The following MRPL42 variants were observed in gnomAD, a reference collection of about 807,000 sequenced individuals.
MRPL42 encodes large ribosomal subunit protein mL42.
A neutral mutation model predicts 17.9 loss-of-function variants in MRPL42; 17 were observed. The observed-to-expected ratio is 0.95, with a 90% CI of 0.65 to 1.42. The LOEUF (loss-of-function observed/expected upper bound fraction) is 1.42, where lower values mean the gene tolerates loss of function less well. Among genes scored for constraint, MRPL42 ranks in the 40% most tolerant of loss-of-function variants. MRPL42 has a pLI of 0.00. For missense variants in MRPL42, 177 were observed against 175.2 expected, an observed-to-expected ratio of 1.01 and a Z score of -0.06; for synonymous variants, 59 against 54.4, an observed-to-expected ratio of 1.08 and a Z score of -0.37.
At chr12:93,496,824 C>T (rs548329974) in intron 5 of MRPL42, among the ~76,000 whole-genome samples, 23 of 55,816 alleles carry the variant, frequency 4.1e-4, no homozygotes, top group East Asian at 9.4e-4. Context: ...GGTTTGGGGG[C>T]GGGTGGGGAC....
Position 93,512,761 on chromosome 12 carries a change from A to G in MRPL42, c.*11540A>G, listed in dbSNP as rs189198584. The G allele has an allele frequency of 1.3e-5, 2 of 152,332 alleles. No homozygotes were observed. The highest frequency in any genetic ancestry group is 3.9e-4 in the East Asian group (2 of 5,192). The allele number at this position is 152,332 out of a possible 1,614,324, so 9.4% of individuals were successfully genotyped here. A position where few individuals can be genotyped will look rare whatever the true frequency, so the allele number is the denominator to read the frequency against. Reference sequence around the variant, plus strand: ...ATCAAACTATTGTGAATTTGATAGAATGCTTTAAGTTTTATTTTCCAACAA... The same window carrying G: ...ATCAAACTATTGTGAATTTGATAGAGTGCTTTAAGTTTTATTTTCCAACAA... On this transcript the variant is annotated 3_prime_UTR_variant, in exon 6 of 6. Coordinates refer to ENST00000549982, the MANE Select transcript of MRPL42 (RefSeq NM_014050.4).
At chr12:93,472,230 C>G (rs982522828) in intron 2 of MRPL42, among the ~76,000 whole-genome samples, 1 of 152,162 alleles carries the variant, frequency 6.6e-6, no homozygotes, top group African/African-American at 2.4e-5. Flanking sequence ...TATCCTAATA[C>G]TCAGTGACCT....
intron 5 of MRPL42, among the ~76,000 whole-genome samples, chr12:93,489,132 C>T (rs1377203843): frequency 6.6e-6 from 1 of 151,822 alleles, no homozygotes; most frequent in African/African-American, 2.4e-5. Flanking sequence ...AAACATAATC[C>T]CCAGTTACAA....
At chr12:93,491,844 C>T (rs1166269713) in intron 5 of MRPL42, among the ~76,000 whole-genome samples, 1 of 152,188 alleles carries the variant, frequency 6.6e-6, no homozygotes, top group African/African-American at 2.4e-5. Context: ...GTTTGGCTCC[C>T]ACTTACACGT....
intron 5 of MRPL42, chr12:93,500,834 C>T (rs1307317041): frequency 5.8e-6 from 1 of 172,512 alleles, no homozygotes; most frequent in African/African-American, 2.4e-5. Flanking sequence ...GGTGGTGTGC[C>T]TGTAGTCCCA....
intron 1 of MRPL42, among the ~76,000 whole-genome samples, chr12:93,468,095 A>T (rs1879726046): frequency 6.6e-6 from 1 of 152,016 alleles, no homozygotes; most frequent in African/African-American, 2.4e-5. Context: ...GACCTCTCTG[A>T]GCCTTTGTTC....
chr12:93,492,052 C>T (rs1007524925), intron 5 of MRPL42, among the ~76,000 whole-genome samples: 12 of 152,170 alleles, frequency 7.9e-5, no homozygotes, highest in African/African-American at 2.9e-4. Context: ...CATGTCTTTG[C>T]TGTTGTGAGT....
chr12:93,482,577 G>A (rs1168493953), intron 4 of MRPL42, among the ~76,000 whole-genome samples: 1 of 152,144 alleles, frequency 6.6e-6, no homozygotes, highest in Non-Finnish European at 1.5e-5. Flanking sequence ...ACATCAGAAA[G>A]CATGGAAAGT....
In MRPL42 at chr12:93,492,188, T is replaced by C. The variant is rs138830496; in HGVS notation, c.383+4528T>C. Among the ~76,000 whole-genome samples, 47 of 152,342 alleles carry C rather than the reference T, an allele frequency of 3.1e-4. No homozygotes were observed. The East Asian group carries it at 8.7e-3, about 28-fold the overall frequency. ...GTTCTGTTTTTAGTTCTTTGAGAAA[T>C]CTCCAAATTGCTTTCCACAGTGGCT... is the stretch of plus-strand genomic sequence containing the variant. On this transcript the variant is annotated intron_variant, in intron 5 of 5. Coordinates refer to ENST00000549982, the MANE Select transcript of MRPL42 (RefSeq NM_014050.4).
Position 93,515,371 on chromosome 12 carries a change from T to C in MRPL42, c.*14150T>C, listed in dbSNP as rs1953769617. ...AAATTAATAGGCCTTGGCAACTATT[T>C]TTTTTTTTTTTTTTTGAGACAGAGA... On this transcript the variant is annotated 3_prime_UTR_variant, in exon 6 of 6. Coordinates refer to ENST00000549982, the MANE Select transcript of MRPL42 (RefSeq NM_014050.4). 1 of 144,548 alleles carries C rather than the reference T, an allele frequency of 6.9e-6. No homozygotes were observed. The highest frequency in any genetic ancestry group is 1.5e-5 in the Non-Finnish European group (1 of 65,574). 9.0% of individuals were successfully genotyped at this position (144,548 alleles called of 1,614,324 possible). A position where few individuals can be genotyped will look rare whatever the true frequency, so the allele number is the denominator to read the frequency against.
At chr12:93,488,259 C>G (rs931480738) in intron 5 of MRPL42, 1 of 397,370 alleles carries the variant, frequency 2.5e-6, no homozygotes, top group African/African-American at 2.1e-5. Flanking sequence ...CGTGAGCCAC[C>G]GAGCCTGGCT....
intron 5 of MRPL42, among the ~76,000 whole-genome samples, chr12:93,495,737 C>T (rs1199817524): frequency 6.6e-6 from 1 of 152,144 alleles, no homozygotes; most frequent in African/African-American, 2.4e-5. Context: ...CATTAAGGAT[C>T]TGCTGACCTT....
Position 93,491,974 on chromosome 12 carries a change from A to G in MRPL42, c.383+4314A>G, listed in dbSNP as rs536076756. Among the ~76,000 whole-genome samples the G allele has an allele frequency of 3.9e-5, 6 of 152,298 alleles. No individual in the cohort carries two copies. The South Asian group carries it at 1.2e-3, about 32-fold the overall frequency. On this transcript the variant is annotated intron_variant, in intron 5 of 5. Transcript: ENST00000549982. ...TGTTCTTTTTTTATGTCTGTATAGT[A>G]TTCCATGGTGTATGTGTACCACATT...
rs1446992905 is a variant in MRPL42 at position 93,512,797 on chromosome 12, A to G, written c.*11576A>G. ...TTTATTTTCCAACAAAAGAATGTCT[A>G]CATACGGCAAATTCATAGATCTGGA... On this transcript the variant is annotated 3_prime_UTR_variant, in exon 6 of 6. Transcript: ENST00000549982. 1.3e-5 allele frequency: 2 copies of G among 152,234 alleles called. No individual in the cohort carries two copies. Among genetic ancestry groups the G allele is most frequent in the Non-Finnish European group, 2.9e-5 (2 of 68,040 alleles). The allele number at this position is 152,234 out of a possible 1,614,324, so 9.4% of individuals were successfully genotyped here. A position where few individuals can be genotyped will look rare whatever the true frequency, so the allele number is the denominator to read the frequency against.
intron 5 of MRPL42, among the ~76,000 whole-genome samples, chr12:93,494,095 C>G (rs1022103872): frequency 1.4e-5 from 2 of 145,994 alleles, no homozygotes; most frequent in Non-Finnish European, 3.0e-5. Flanking sequence ...AAGGAAAAGA[C>G]AGTAGGGCAT....
chr12:93,496,560 A>T (rs1953509159), intron 5 of MRPL42, among the ~76,000 whole-genome samples: 1 of 150,514 alleles, frequency 6.6e-6, no homozygotes, highest in South Asian at 2.1e-4. Context: ...GCAGAGGAAG[A>T]GTAAAAGTGC....
rs1192907319 is a variant in MRPL42, at chr12:93,515,926, A to G, written c.*14705A>G. The G allele has an allele frequency of 6.6e-6, 1 of 152,236 alleles. No individual in the cohort carries two copies. The highest frequency in any genetic ancestry group is 6.5e-5 in the Admixed American group (1 of 15,278). The allele number at this position is 152,236 out of a possible 1,614,324, so 9.4% of individuals were successfully genotyped here. ...TCATGGTGCCATCCAGAAAATACCA[A>G]AAATCACCCTCTCTCAGCTAAAATG... On this transcript the variant is annotated 3_prime_UTR_variant, in exon 6 of 6. Coordinates refer to ENST00000549982, the MANE Select transcript of MRPL42 (RefSeq NM_014050.4).
intron 5 of MRPL42, among the ~76,000 whole-genome samples, chr12:93,494,928 A>C (rs946887950): frequency 1.2e-5 from 1 of 81,892 alleles, no homozygotes; most frequent in African/African-American, 4.1e-5. Context: ...CACCATCAGG[A>C]ACTCTAGAGA....
intron 4 of MRPL42, among the ~76,000 whole-genome samples, chr12:93,485,360 C>T (rs61202564): frequency 0.012 from 1,889 of 151,660 alleles, 45 homozygotes; most frequent in African/African-American, 0.043. Flanking sequence ...GACAGCGTCT[C>T]CAACTCCTGA....
Sources: allele counts gnomAD v4.1 joint callset (sites outside exome capture counted in the v4.1 genomes callset), GRCh38; gene constraint gnomAD v4.1.1; transcripts MANE v1.5; gene names NCBI Gene and HGNC (gene_info 2026-07-23, HGNC 2026-07-21).